The following FMR1 variants were observed in gnomAD, a reference collection of about 807,000 sequenced individuals.
FMR1 encodes FMRP translational regulator 1.
A neutral mutation model predicts 50.6 loss-of-function variants in FMR1; 13 were observed. That is an observed-to-expected ratio of 0.26 (90% CI 0.17 to 0.41). The LOEUF (loss-of-function observed/expected upper bound fraction) is 0.41. FMR1 is among the 10% of genes least tolerant of loss of function. FMR1 has a pLI of 1.00. For missense variants in FMR1, 316 were observed against 491.3 expected (o/e 0.64, Z 3.37); for synonymous variants, 138 against 164.1 (o/e 0.84, Z 1.22).
In FMR1 at chrX:147,949,658, C is replaced by T. The variant is rs1398657883; in HGVS notation, c.*814C>T. 1 of 327,547 alleles carries T rather than the reference C, an allele frequency of 3.1e-6. No individual in the cohort carries two copies. The highest frequency in any genetic ancestry group is 5.9e-6 in the Non-Finnish European group (1 of 169,570). The allele number at this position is 327,547 out of a possible 1,213,427, so 27.0% of individuals were successfully genotyped here. ...GAGATGTGTAATTTTTCTGTATAGACAGGAGAAGAAAGAACTATCTTCATC... is the reference window on the plus strand; with the variant it reads ...GAGATGTGTAATTTTTCTGTATAGATAGGAGAAGAAAGAACTATCTTCATC... On this transcript the variant is annotated 3_prime_UTR_variant, in exon 17 of 17. Coordinates refer to ENST00000370475, the MANE Select transcript of FMR1 (RefSeq NM_002024.6).
At chrX:147,931,755 A>G (rs2043616182) in intron 7 of FMR1, among the ~76,000 whole-genome samples, 1 of 111,955 alleles carries the variant, frequency 8.9e-6, no homozygotes, top group Non-Finnish European at 1.9e-5. Context: ...CCAGATCACA[A>G]GGTCTTACGG....
chrX:147,936,722 A>T lies in FMR1; in HGVS notation c.990+109A>T, dbSNP rs1394698803. ...GCATAAAGTGAATGCAAATATTCTG[A>T]TTATCAAGCATGCCTGCTGTAATTA... On this transcript the variant is annotated intron_variant, in intron 10 of 16. Coordinates refer to ENST00000370475, the MANE Select transcript of FMR1 (RefSeq NM_002024.6). 3 of 516,263 alleles carry T rather than the reference A, an allele frequency of 5.8e-6. No homozygotes were observed. The East Asian group carries it at 1.1e-4, about 19-fold the overall frequency. 42.5% of individuals were successfully genotyped at this position (516,263 alleles called of 1,213,427 possible).
intron 13 of FMR1, 59 bp downstream of exon 13, chrX:147,940,721 T>C: frequency 1.3e-6 from 1 of 775,132 alleles, no homozygotes; most frequent in Non-Finnish European, 2.0e-6. Context: ...ACAAACTTTA[T>C]AGTAGATCTT....
intron 10 of FMR1, 91 bp downstream of exon 10, chrX:147,936,704 G>A: frequency 1.8e-6 from 1 of 552,350 alleles, no homozygotes; most frequent in Non-Finnish European, 3.2e-6. Flanking sequence ...TGTGCATAAA[G>A]TGAATGCAAA....
At position 147,928,813 on chromosome X, in the gene FMR1, T is replaced by C. The variant is rs1331163250; in HGVS notation, c.419+6T>C. On this transcript the variant is annotated splice_donor_region_variant and intron_variant, in intron 5 of 16. Coordinates refer to ENST00000370475, the MANE Select transcript of FMR1 (RefSeq NM_002024.6). ...CCAGAAGACTTACGGCAAATGTAAG[T>C]TGATACACAAGAAATGCTGAGAACT... The C allele has an allele frequency of 8.3e-7, 1 of 1,204,303 alleles. No homozygotes were observed. Among genetic ancestry groups the C allele is most frequent in the African/African-American group, 1.8e-5 (1 of 57,025 alleles).
intron 13 of FMR1, among the ~76,000 whole-genome samples, chrX:147,942,231 A>G (rs1603031303): frequency 8.9e-6 from 1 of 112,204 alleles, no homozygotes; most frequent in Admixed American, 9.4e-5. Flanking sequence ...GACAGTCTCT[A>G]TGATAACCTC....
intron 1 of FMR1, among the ~76,000 whole-genome samples, chrX:147,920,968 G>A (rs2043133450): frequency 8.9e-6 from 1 of 111,894 alleles, no homozygotes; most frequent in African/African-American, 3.3e-5. Flanking sequence ...TGGTGGGGCT[G>A]GGGAGGACAG....
At position 147,948,942 on chromosome X, in the gene FMR1, T is replaced by A; in HGVS notation, c.*98T>A. ...GGCCAAAGACAAATAGTAGGCAAGA[T>A]GGCACAGGGCATGAAATGAACACAA... On this transcript the variant is annotated 3_prime_UTR_variant, in exon 17 of 17. Coordinates refer to ENST00000370475, the MANE Select transcript of FMR1 (RefSeq NM_002024.6). The A allele has an allele frequency of 2.3e-6, 2 of 863,120 alleles. No individual in the cohort carries two copies. Among genetic ancestry groups the A allele is most frequent in the Non-Finnish European group, 3.4e-6 (2 of 584,088 alleles). The allele number at this position is 863,120 out of a possible 1,213,427, so 71.1% of individuals were successfully genotyped here.
chrX:147,945,195 C>A, intron 15 of FMR1, 144 bp downstream of exon 15: 2 of 914,993 alleles, frequency 2.2e-6, no homozygotes, highest in Non-Finnish European at 3.1e-6. Context: ...GATCAGCCTT[C>A]CACTTGTGTA....
chrX:147,947,736 A>C (rs2044228954), intron 16 of FMR1, among the ~76,000 whole-genome samples: 1 of 111,583 alleles, frequency 9.0e-6, no homozygotes, highest in Non-Finnish European at 1.9e-5. Flanking sequence ...ATACAAATCA[A>C]AGTACTGAAT....
chrX:147,914,930 G>A (rs1054941747), intron 1 of FMR1, among the ~76,000 whole-genome samples: 19 of 112,119 alleles, frequency 1.7e-4, no homozygotes, highest in African/African-American at 6.2e-4. Context: ...TTTAAATGTA[G>A]AATGCGTATC....
intron 5 of FMR1, among the ~76,000 whole-genome samples, chrX:147,929,361 A>T (rs1237952156): frequency 9.0e-6 from 1 of 111,467 alleles, no homozygotes; most frequent in Non-Finnish European, 1.9e-5. Flanking sequence ...TGAACATTAA[A>T]TTGCAGTTCA....
At chrX:147,930,107 T>A (rs782302981) in intron 6 of FMR1, 21 bp from the exon 7 acceptor site, 1 of 1,162,701 alleles carries the variant, frequency 8.6e-7, no homozygotes, top group Non-Finnish European at 1.2e-6. Context: ...GATAATAATG[T>A]TGTTAATTTA....
chrX:147,935,532 G>A (rs1569545823), intron 9 of FMR1, among the ~76,000 whole-genome samples: 1 of 112,189 alleles, frequency 8.9e-6, no homozygotes, highest in Non-Finnish European at 1.9e-5. Context: ...CAATGTAAGG[G>A]TACTTAGGTA....
chrX:147,939,976 A>G (rs1354748480), intron 12 of FMR1, among the ~76,000 whole-genome samples: 1 of 104,498 alleles, frequency 9.6e-6, no homozygotes, highest in African/African-American at 3.5e-5. Flanking sequence ...CCCAGCTAAA[A>G]CAGTGAAACC....
Position 147,939,979 on chromosome X carries a change from G to T in FMR1, c.1189-597G>T, listed in dbSNP as rs1308974389. ...GATCGAGACCATCCCAGCTAAAACAGTGAAACCCTGTCTCTACTAAAAAAA... is the reference window on the plus strand; with the variant it reads ...GATCGAGACCATCCCAGCTAAAACATTGAAACCCTGTCTCTACTAAAAAAA... On this transcript the variant is annotated intron_variant, in intron 12 of 16. Transcript: ENST00000370475. Among the ~76,000 whole-genome samples, 3 of 102,372 alleles carry T rather than the reference G, an allele frequency of 2.9e-5. No homozygotes were observed. The Admixed American group carries it at 3.2e-4, about 11-fold the overall frequency. 88.9% of individuals were successfully genotyped at this position (102,372 alleles called of 115,157 possible).
chrX:147,923,494 T>C (rs1321625980), intron 2 of FMR1, among the ~76,000 whole-genome samples: 1 of 108,209 alleles, frequency 9.2e-6, no homozygotes. Context: ...CTTTATTTGC[T>C]ACTCTTTTAG....
chrX:147,948,488 A>C, intron 16 of FMR1, 195 bp from the exon 17 acceptor site: 1 of 1,071,405 alleles, frequency 9.3e-7, no homozygotes, highest in Non-Finnish European at 1.2e-6. Flanking sequence ...CCAGTTAAAG[A>C]AGAAGAGTGT....
intron 13 of FMR1, among the ~76,000 whole-genome samples, chrX:147,941,025 C>T (rs1034278611): frequency 4.4e-4 from 49 of 111,682 alleles, no homozygotes; most frequent in Middle Eastern, 4.7e-3. Context: ...TTTATTGTTC[C>T]TTTTATGTCA....
Sources: gnomAD v4.1 joint callset for allele counts (sites outside exome capture counted in the v4.1 genomes callset) on GRCh38, gnomAD v4.1.1 for gene constraint, MANE v1.5 for transcripts, NCBI Gene and HGNC (gene_info 2026-07-23, HGNC 2026-07-21) for gene names.